The following WDR26 variants were observed in gnomAD, a reference collection of about 807,000 sequenced individuals.
The protein encoded by WDR26 is WD repeat domain 26, also known as WD repeat-containing protein 26.
WDR26 carries 5 observed loss-of-function variants against 84.1 expected under a neutral mutation model. The observed-to-expected ratio is 0.06, with a 90% CI of 0.03 to 0.13. The LOEUF is 0.13. Ranked by LOEUF, WDR26 falls within the 10% of genes least tolerant of loss-of-function variation. WDR26 has a pLI of 1.00. For missense variants in WDR26, 642 were observed against 974.9 expected, an observed-to-expected ratio of 0.66 and a Z score of 4.55; for synonymous variants, 415 against 389.6, an observed-to-expected ratio of 1.07 and a Z score of -0.77.
chr1:224,429,396 T>C (rs1045478036), intron 3 of WDR26: 1 of 152,116 alleles, frequency 6.6e-6, no homozygotes, highest in African/African-American at 2.4e-5. Context: ...AGCCATCAAA[T>C]GTGTCTGGGT....
chr1:224,393,535 G>A (rs1383178100), intron 13 of WDR26, among the ~76,000 whole-genome samples: 1 of 152,084 alleles, frequency 6.6e-6, no homozygotes, highest in Non-Finnish European at 1.5e-5. Flanking sequence ...GCATGACGAA[G>A]CAAGATTTTC....
At chr1:224,431,259 A>G (rs1446142273) in intron 3 of WDR26, 1 of 435,586 alleles carries the variant, frequency 2.3e-6, no homozygotes, top group East Asian at 3.8e-5. Flanking sequence ...TATTTTTTGT[A>G]GAGCTTAATT....
At chr1:224,390,929 CTA>C (rs1471722411) in intron 13 of WDR26, among the ~76,000 whole-genome samples, 1 of 152,160 alleles carries the variant, frequency 6.6e-6, no homozygotes, top group African/African-American at 2.4e-5. Flanking sequence ...ATCACTATAT[CTA>C]TGTTGTCTAT....
intron 4 of WDR26, among the ~76,000 whole-genome samples, chr1:224,421,179 T>G (rs189652116): frequency 3.6e-4 from 55 of 152,258 alleles, no homozygotes; most frequent in African/African-American, 1.3e-3. Context: ...GCCATTTCCT[T>G]AGGTGAAAAA....
chr1:224,431,443 A>G (rs1052465506), intron 3 of WDR26, 34 bp downstream of exon 3: 2 of 1,589,682 alleles, frequency 1.3e-6, no homozygotes, highest in Non-Finnish European at 1.7e-6. Flanking sequence ...TAAAATAAGC[A>G]TAAATGTGAA....
intron 13 of WDR26, among the ~76,000 whole-genome samples, chr1:224,391,375 A>AAC (rs1558412287): frequency 3.2e-5 from 1 of 31,534 alleles, no homozygotes; most frequent in East Asian, 1.4e-3. Context: ...AAAAAAAAAA[A>AAC]AAAAAAAACA....
At position 224,419,544 on chromosome 1, in the gene WDR26, C is replaced by T. The variant is rs774272467; in HGVS notation, c.1136G>A (p.Arg379Gln). 1.9e-6 allele frequency: 3 copies of T among 1,613,848 alleles called. No homozygotes were observed. The highest frequency in any genetic ancestry group is 2.2e-5 in the East Asian group (1 of 44,868). The change falls in exon 5 of 14, where the codon CGA becomes CAA. Residue 379 changes from arginine (R) to glutamine (Q), a missense_variant. By Grantham distance (43) the Arg-to-Gln change is conservative. Around this residue, in one of 2 missense-constraint regions of WDR26, gnomAD observed 351 missense variants for 672.8 expected, o/e 0.52. Coordinates refer to ENST00000414423, the MANE Select transcript of WDR26 (RefSeq NM_001379403.1). ...CTGAAGTTTATCCAATAGTTTAGAT[C>T]GGGAAGCTGTCCCTTTGCCTTCCCA...
intron 9 of WDR26, 141 bp from the exon 10 acceptor site, chr1:224,399,175 T>C (rs919893501): frequency 1.5e-6 from 1 of 688,510 alleles, no homozygotes; most frequent in African/African-American, 1.9e-5. Context: ...CTAATTGTTC[T>C]AGAAGTGTTT....
chr1:224,411,882 T>A (rs1430059590), intron 6 of WDR26, among the ~76,000 whole-genome samples: 1 of 152,074 alleles, frequency 6.6e-6, no homozygotes, highest in East Asian at 1.9e-4. Context: ...CATTTTTTTT[T>A]ACTTGCTACT....
rs1672984402 is a variant in WDR26, at chr1:224,386,012, T to A, written c.*3823A>T. 1 of 152,316 alleles carries A rather than the reference T, an allele frequency of 6.6e-6. No homozygotes were observed. Among genetic ancestry groups the A allele is most frequent in the Admixed American group, 6.5e-5 (1 of 15,274 alleles). 9.4% of individuals were successfully genotyped at this position (152,316 alleles called of 1,614,324 possible). A position where few individuals can be genotyped will look rare whatever the true frequency, so the allele number is the denominator to read the frequency against. The stretch of plus-strand genomic sequence containing the variant: ...CACACACATTTTTATACTATTGGTT[T>A]TGTTAAATCCAGGCTATCTGGATTA... On this transcript the variant is annotated 3_prime_UTR_variant, in exon 14 of 14. Transcript: ENST00000414423.
intron 6 of WDR26, chr1:224,413,143 C>A: frequency 3.0e-6 from 1 of 330,004 alleles, no homozygotes; most frequent in African/African-American, 2.2e-5. Flanking sequence ...GAGCCAAGAT[C>A]ATGCCACTCC....
At chr1:224,415,949 A>G (rs1164463299) in intron 6 of WDR26, among the ~76,000 whole-genome samples, 4 of 152,252 alleles carry the variant, frequency 2.6e-5, no homozygotes, top group Admixed American at 2.6e-4. Context: ...ATTCTCACCA[A>G]CATCTACAAT....
chr1:224,407,151 A>AAAAAAAAAATATATATATATAT, intron 7 of WDR26, among the ~76,000 whole-genome samples: 3 of 11,874 alleles, frequency 2.5e-4, no homozygotes, highest in Non-Finnish European at 4.2e-4. Flanking sequence ...AAAAAAAAAA[A>AAAAAAAAAATATATATATATAT]ATATATATAT....
chr1:224,419,322 G>A, intron 5 of WDR26, 196 bp downstream of exon 5: 1 of 534,152 alleles, frequency 1.9e-6, no homozygotes, highest in South Asian at 2.6e-5. Context: ...GGCTGCTCTG[G>A]AACCAGTGCC....
At chr1:224,422,743 T>C (rs1572206239) in intron 4 of WDR26, among the ~76,000 whole-genome samples, 1 of 149,262 alleles carries the variant, frequency 6.7e-6, no homozygotes, top group Non-Finnish European at 1.5e-5. Context: ...AAATTAAGAG[T>C]GAAGACAATG....
At chr1:224,406,662 G>T (rs1458472635) in intron 7 of WDR26, among the ~76,000 whole-genome samples, 4 of 152,126 alleles carry the variant, frequency 2.6e-5, no homozygotes, top group Admixed American at 6.5e-5. Context: ...AGAGGTATTT[G>T]TATTAGATCA....
In WDR26 at chr1:224,388,167, T is replaced by C. The variant is rs1228022374; in HGVS notation, c.*1668A>G. The C allele has an allele frequency of 6.6e-6, 1 of 152,220 alleles. No individual in the cohort carries two copies. Among genetic ancestry groups the C allele is most frequent in the African/African-American group, 2.4e-5 (1 of 41,354 alleles). The allele number at this position is 152,220 out of a possible 1,614,324, so 9.4% of individuals were successfully genotyped here. A position where few individuals can be genotyped will look rare whatever the true frequency, so the allele number is the denominator to read the frequency against. On this transcript the variant is annotated 3_prime_UTR_variant, in exon 14 of 14. Transcript: ENST00000414423. ...TCCCTTTCTCCCATCCCCGACCACCTACCCCACAATGGAAGAATTTTTGAC... is the reference window on the plus strand; with the variant it reads ...TCCCTTTCTCCCATCCCCGACCACCCACCCCACAATGGAAGAATTTTTGAC...
At chr1:224,412,688 G>A (rs930632514) in intron 6 of WDR26, among the ~76,000 whole-genome samples, 3 of 152,164 alleles carry the variant, frequency 2.0e-5, no homozygotes, top group Non-Finnish European at 4.4e-5. Context: ...CTGTGACAGT[G>A]GAAATGCTAT....
In WDR26 at chr1:224,418,380, C is replaced by T. The variant is rs1211461362; in HGVS notation, c.1199G>A (p.Arg400His). 1.2e-6 allele frequency: 2 copies of T among 1,612,984 alleles called. No homozygotes were observed. Among genetic ancestry groups the T allele is most frequent in the Admixed American group, 1.7e-5 (1 of 59,954 alleles). Residue 400 changes from arginine to histidine, a missense_variant, in exon 6 of 14, where the codon CGT (arginine) becomes CAT (histidine). By Grantham distance (29) the Arg-to-His change is conservative. This residue lies in a region of WDR26 where 351 missense variants were observed against 672.8 expected (regional missense o/e 0.52). Coordinates refer to ENST00000414423, the MANE Select transcript of WDR26 (RefSeq NM_001379403.1). ...CGCCTGCCGCAGGAGAGTCTGTAAA[C>T]GCCGTGGGGGAAGCATCACTGATGG... is the stretch of plus-strand genomic sequence containing the variant.
Sources: allele counts gnomAD v4.1 joint callset (sites outside exome capture counted in the v4.1 genomes callset), GRCh38; gene constraint gnomAD v4.1.1; regional missense constraint gnomAD v4.1.1; transcripts MANE v1.5; gene names NCBI Gene and HGNC (gene_info 2026-07-23, HGNC 2026-07-21).